Variants in RRP7A observed in about 807,000 individuals in gnomAD.
RRP7A encodes the protein ribosomal RNA processing 7 homolog A.
RRP7A carries 27 observed loss-of-function variants against 38.4 expected under a neutral mutation model. The observed-to-expected ratio is 0.70, with a 90% CI of 0.52 to 0.97. RRP7A has a LOEUF of 0.97. Ranked by LOEUF, RRP7A falls within the 50% of genes least tolerant of loss-of-function variation. The pLI is 0.00. For synonymous variants in RRP7A, 124 were observed against 150.3 expected, an observed-to-expected ratio of 0.83 and a Z score of 1.28; for missense variants, 327 against 375.4, an observed-to-expected ratio of 0.87 and a Z score of 1.07.
chr22:42,510,931 C>T lies in RRP7A; in HGVS notation c.*1979G>A, dbSNP rs1460304988. ...TAATCAGAATTTAAGAAACAGAGAC[C>T]TTTGGTGGGGAGGTTCTTTACCATC... On this transcript the variant is annotated 3_prime_UTR_variant, in exon 7 of 7. Transcript: ENST00000323013. The T allele has an allele frequency of 2.3e-5, 10 of 429,684 alleles. No individual in the cohort carries two copies. Among genetic ancestry groups the T allele is most frequent in the Non-Finnish European group, 3.0e-5 (9 of 304,842 alleles). The allele number at this position is 429,684 out of a possible 1,614,324, so 26.6% of individuals were successfully genotyped here. A position where few individuals can be genotyped will look rare whatever the true frequency, so the allele number is the denominator to read the frequency against.
intron 1 of RRP7A, chr22:42,518,468 C>T (rs1920937296): frequency 2.5e-6 from 1 of 404,534 alleles, no homozygotes; most frequent in Non-Finnish European, 5.0e-6. Flanking sequence ...TGGCTGGAAG[C>T]CCCGTGAGAC....
chr22:42,515,485 A>C (rs137883332), intron 3 of RRP7A, among the ~76,000 whole-genome samples: 1 of 152,196 alleles, frequency 6.6e-6, no homozygotes, highest in East Asian at 1.9e-4. Flanking sequence ...GCTGTTCCCA[A>C]CTCCTCCCCA....
In RRP7A at chr22:42,516,131, G is replaced by A. The variant is rs781500562; in HGVS notation, c.222C>T (p.Ser74=). 2 of 1,612,872 alleles carry A rather than the reference G, an allele frequency of 1.2e-6. No homozygotes were observed. Among genetic ancestry groups the A allele is most frequent in the Non-Finnish European group, 1.7e-6 (2 of 1,179,504 alleles). ...LNVPPYCTEE[S]LSRLLSTCGL... ...CACAGGTGGACAGGAGGCGGGACAG[G>A]CTCTCCTGCCGCAGGGAGAGGGAAG... is the stretch of plus-strand genomic sequence containing the variant. The change falls in exon 3 of 7, where the codon AGC becomes AGT. Residue 74 remains serine (S), a synonymous_variant. Coordinates refer to ENST00000323013, the MANE Select transcript of RRP7A (RefSeq NM_015703.5).
At chr22:42,519,580 G>A (rs930333895) in intron 1 of RRP7A, 134 bp downstream of exon 1, 11 of 730,894 alleles carry the variant, frequency 1.5e-5, no homozygotes, top group East Asian at 6.9e-5. Flanking sequence ...GACCTGCGGA[G>A]CCTGGGGCCA....
Position 42,515,133 on chromosome 22 carries a change from C to T in RRP7A, c.460+18G>A. The T allele has an allele frequency of 3.4e-6, 3 of 882,940 alleles. No individual in the cohort carries two copies. Among genetic ancestry groups the T allele is most frequent in the South Asian group, 1.4e-5 (1 of 69,326 alleles). The allele number at this position is 882,940 out of a possible 1,614,324, so 54.7% of individuals were successfully genotyped here. A position where few individuals can be genotyped will look rare whatever the true frequency, so the allele number is the denominator to read the frequency against. ...GGAGCCCAGAAAGGAGGCGCCAGAC[C>T]CCTCCCGCAGTACTAACTGTGAATG... On this transcript the variant is annotated intron_variant, in intron 4 of 6. Transcript: ENST00000323013.
rs1932345416 is a variant in RRP7A, at chr22:42,508,630, C to T, written c.*4280G>A. ...TGGCAAGAAGCCTGTCCCAGGCTGG[C>T]AGGGGACAGCGTGAGGTGCAGCCTA... On this transcript the variant is annotated 3_prime_UTR_variant, in exon 7 of 7. Transcript: ENST00000323013. 6.6e-6 allele frequency among the ~76,000 whole-genome samples: 1 copy of T among 152,192 alleles called. No homozygotes were observed. Among genetic ancestry groups the T allele is most frequent in the African/African-American group, 2.4e-5 (1 of 41,430 alleles).
intron 1 of RRP7A, among the ~76,000 whole-genome samples, chr22:42,519,312 GAGA>G (rs1309636079): frequency 7.3e-5 from 11 of 151,532 alleles, no homozygotes; most frequent in Admixed American, 1.3e-4. Context: ...GGGGCAAGAG[GAGA>G]AGGAGGGCAA....
At chr22:42,517,809 C>T (rs748048911) in intron 2 of RRP7A, among the ~76,000 whole-genome samples, 196 bp downstream of exon 2, 2 of 152,202 alleles carry the variant, frequency 1.3e-5, no homozygotes, top group Admixed American at 6.5e-5. Flanking sequence ...CATGAGCCAC[C>T]GTGCCTGGCA....
chr22:42,510,780 C>T lies in RRP7A; in HGVS notation c.*2130G>A. On this transcript the variant is annotated 3_prime_UTR_variant, in exon 7 of 7. Coordinates refer to ENST00000323013, the MANE Select transcript of RRP7A (RefSeq NM_015703.5). ...GCCACTGTCGCCCACTCTGGTCCCA[C>T]CTCACCCATCTCTTCTCATGCACTG... The T allele has an allele frequency of 7.1e-7, 1 of 1,400,020 alleles. No individual in the cohort carries two copies. The highest frequency in any genetic ancestry group is 1.5e-5 in the South Asian group (1 of 66,500). The allele number at this position is 1,400,020 out of a possible 1,614,324, so 86.7% of individuals were successfully genotyped here. A position where few individuals can be genotyped will look rare whatever the true frequency, so the allele number is the denominator to read the frequency against.
Position 42,511,789 on chromosome 22 carries a change from C to G in RRP7A, c.*1121G>C, listed in dbSNP as rs1408423948. On this transcript the variant is annotated 3_prime_UTR_variant, in exon 7 of 7. Coordinates refer to ENST00000323013, the MANE Select transcript of RRP7A (RefSeq NM_015703.5). ...CAGACACAAGTCTGCAGGCTGCTCA[C>G]GTCATCTCATTATCTTTTCTCACGA... 3.8e-6 allele frequency: 1 copy of G among 266,406 alleles called. No individual in the cohort carries two copies. 16.5% of individuals were successfully genotyped at this position (266,406 alleles called of 1,614,324 possible). A position where few individuals can be genotyped will look rare whatever the true frequency, so the allele number is the denominator to read the frequency against.
rs747597226 is a variant in RRP7A, at chr22:42,509,011, T to G, written c.*3899A>C. On this transcript the variant is annotated 3_prime_UTR_variant, in exon 7 of 7. Transcript: ENST00000323013. ...TGTGCCTTGTGACGAGAATTCACCATGTTTTTGTCTCTGCAGGCAGAGAAC... is the reference window on the plus strand; with the variant it reads ...TGTGCCTTGTGACGAGAATTCACCAGGTTTTTGTCTCTGCAGGCAGAGAAC... 1 of 1,612,226 alleles carries G rather than the reference T, an allele frequency of 6.2e-7. No homozygotes were observed. Among genetic ancestry groups the G allele is most frequent in the African/African-American group, 1.3e-5 (1 of 74,896 alleles).
chr22:42,515,783 G>A (rs1176291421), intron 3 of RRP7A, among the ~76,000 whole-genome samples: 5 of 152,210 alleles, frequency 3.3e-5, no homozygotes, highest in South Asian at 2.1e-4. Flanking sequence ...GAGACGGTCC[G>A]TGAGCTTTAA....
chr22:42,517,569 G>C (rs1458769825), intron 2 of RRP7A, among the ~76,000 whole-genome samples: 1 of 152,046 alleles, frequency 6.6e-6, no homozygotes, highest in African/African-American at 2.4e-5. Flanking sequence ...GCCCAGGCTG[G>C]AGTGCAGTGG....
chr22:42,509,205 C>T lies in RRP7A; in HGVS notation c.*3705G>A. On this transcript the variant is annotated 3_prime_UTR_variant, in exon 7 of 7. Transcript: ENST00000323013. ...GCCCTGGCATGAGGCTCCAAGTTCT[C>T]TGCGTGTCGACCACATCGCTAAGAC... The T allele has an allele frequency of 1.3e-6, 2 of 1,576,806 alleles. No individual in the cohort carries two copies. The highest frequency in any genetic ancestry group is 1.7e-6 in the Non-Finnish European group (2 of 1,161,182).
chr22:42,509,486 C>G lies in RRP7A; in HGVS notation c.*3424G>C, dbSNP rs577358289. ...TAGCTGGGACTACAGGCGCCCGCCA[C>G]CACGCCTGGCTTATTTTTGTATTTT... is the stretch of plus-strand genomic sequence containing the variant. On this transcript the variant is annotated 3_prime_UTR_variant, in exon 7 of 7. Coordinates refer to ENST00000323013, the MANE Select transcript of RRP7A (RefSeq NM_015703.5). 1.3e-5 allele frequency among the ~76,000 whole-genome samples: 2 copies of G among 150,446 alleles called. No homozygotes were observed. Among genetic ancestry groups the G allele is most frequent in the African/African-American group, 4.8e-5 (2 of 41,260 alleles).
At chr22:42,514,366 C>G in intron 5 of RRP7A, 62 bp from the exon 6 acceptor site, 1 of 1,257,472 alleles carries the variant, frequency 8.0e-7, no homozygotes, top group Non-Finnish European at 1.1e-6. Context: ...AGCGCGCCCT[C>G]CACGCCCTCC....
chr22:42,517,961 C>G (rs1216498153), intron 2 of RRP7A, 44 bp downstream of exon 2: 1 of 1,597,314 alleles, frequency 6.3e-7, no homozygotes, highest in Non-Finnish European at 8.5e-7. Flanking sequence ...TGGGAGCCCC[C>G]ACCTTGAGCC....
intron 2 of RRP7A, 45 bp downstream of exon 2, chr22:42,517,960 C>T: frequency 6.3e-7 from 1 of 1,596,550 alleles, no homozygotes; most frequent in Non-Finnish European, 8.5e-7. Flanking sequence ...ATGGGAGCCC[C>T]CACCTTGAGC....
chr22:42,518,990 G>T (rs1402088518), intron 1 of RRP7A, among the ~76,000 whole-genome samples: 1 of 146,580 alleles, frequency 6.8e-6, no homozygotes, highest in Non-Finnish European at 1.5e-5. Flanking sequence ...ATCACGGATG[G>T]CCTCTTTGAG....
Sources: gnomAD v4.1 joint callset for allele counts (sites outside exome capture counted in the v4.1 genomes callset) on GRCh38, gnomAD v4.1.1 for gene constraint, MANE v1.5 for transcripts, NCBI Gene and HGNC (gene_info 2026-07-23, HGNC 2026-07-21) for gene names.